SPAG9: variants seen among roughly 807,000 people sequenced by gnomAD.
SPAG9 encodes the protein sperm associated antigen 9, also known as C-Jun-amino-terminal kinase-interacting protein 4.
Under a neutral mutation model 166.5 loss-of-function variants are expected in SPAG9, and 35 were observed. The ratio of observed to expected loss-of-function variants is 0.21; its 90% CI spans 0.16 to 0.28. The LOEUF is 0.28. Among genes scored for constraint, SPAG9 ranks in the 10% least tolerant of loss-of-function variants. SPAG9 has a pLI of 1.00. For synonymous variants in SPAG9, 534 were observed against 565.5 expected (o/e 0.94, Z 0.79); for missense variants, 1,235 against 1,603.3 (o/e 0.77, Z 3.92).
At chr17:50,986,772 CACATTCTAGCCT>C (rs1436947404) in intron 22 of SPAG9, among the ~76,000 whole-genome samples, 1 of 152,250 alleles carries the variant, frequency 6.6e-6, no homozygotes, top group African/African-American at 2.4e-5. Flanking sequence ...TTTTCCTGCC[CACATTCTAGCCT>C]ACATAAATTA....
intron 1 of SPAG9, among the ~76,000 whole-genome samples, chr17:51,100,361 T>C (rs2048775219): frequency 6.6e-6 from 1 of 152,098 alleles, no homozygotes; most frequent in Non-Finnish European, 1.5e-5. Context: ...TCCCAGCACT[T>C]TGGGAGGCCA....
intron 9 of SPAG9, among the ~76,000 whole-genome samples, chr17:51,010,582 A>AATAT (rs994068022): frequency 2.3e-4 from 30 of 130,586 alleles, no homozygotes; most frequent in East Asian, 6.3e-4. Context: ...AAAAAAAAAA[A>AATAT]ATATATATAT....
At chr17:51,109,813 G>A (rs865844518) in intron 1 of SPAG9, among the ~76,000 whole-genome samples, 4 of 151,906 alleles carry the variant, frequency 2.6e-5, no homozygotes, top group African/African-American at 9.7e-5. Context: ...CTAGGCTGGT[G>A]CGATCCTCCT....
intron 1 of SPAG9, among the ~76,000 whole-genome samples, chr17:51,084,629 G>A (rs1006630892): frequency 3.3e-5 from 5 of 152,062 alleles, no homozygotes; most frequent in East Asian, 1.9e-4. Context: ...GGATGGTCTC[G>A]AACTCCTGAC....
chr17:50,986,922 C>A (rs1219548158), intron 22 of SPAG9, among the ~76,000 whole-genome samples, 190 bp downstream of exon 22: 2 of 152,138 alleles, frequency 1.3e-5, no homozygotes, highest in African/African-American at 4.8e-5. Context: ...AAACATATGG[C>A]TTACTATTCA....
chr17:50,968,693 T>A (rs755125668), intron 29 of SPAG9, among the ~76,000 whole-genome samples: 2 of 151,956 alleles, frequency 1.3e-5, no homozygotes, highest in Non-Finnish European at 2.9e-5. Context: ...ATTGTGCCAC[T>A]GCACTCCAGC....
chr17:51,092,152 A>G (rs2048483809), intron 1 of SPAG9, among the ~76,000 whole-genome samples: 1 of 152,072 alleles, frequency 6.6e-6, no homozygotes, highest in African/African-American at 2.4e-5. Context: ...GTCCATCAAG[A>G]TATTATATTA....
At chr17:51,028,935 A>G (rs2046289551) in intron 6 of SPAG9, among the ~76,000 whole-genome samples, 1 of 152,124 alleles carries the variant, frequency 6.6e-6, no homozygotes, top group Non-Finnish European at 1.5e-5. Flanking sequence ...ATCAAATCCT[A>G]TTGTCTGACA....
chr17:50,987,108 CTA>C lies in SPAG9; in HGVS notation c.2939+2_2939+3del. The C allele has an allele frequency of 6.2e-7, 1 of 1,604,254 alleles. No individual in the cohort carries two copies. The highest frequency in any genetic ancestry group is 8.5e-7 in the Non-Finnish European group (1 of 1,177,078). ...ATTCTAATGTTAAAAGCATTGACAC[CTA>C]CCAGCCATTTTGAGCTCCAAGCCAC... On this transcript the variant is annotated splice_donor_variant and splice_donor_region_variant and intron_variant, in intron 22 of 29. Coordinates refer to ENST00000262013, the MANE Select transcript of SPAG9 (RefSeq NM_001130528.3). LOFTEE classifies it high-confidence loss of function.
intron 21 of SPAG9, chr17:50,989,410 A>G (rs997423560): frequency 6.1e-6 from 3 of 494,996 alleles, no homozygotes; most frequent in African/African-American, 5.8e-5. Context: ...ATTTCTCAGA[A>G]CATATCCCCA....
At position 50,990,791 on chromosome 17, in the gene SPAG9, G is replaced by A. The variant is rs1177969981; in HGVS notation, c.2399-123C>T. 5.9e-6 allele frequency: 4 copies of A among 677,930 alleles called. No homozygotes were observed. In the Admixed American group the frequency reaches 8.4e-5, roughly 14 times the overall value. 42.0% of individuals were successfully genotyped at this position (677,930 alleles called of 1,614,324 possible). Reference sequence around the variant, plus strand: ...TGAGATGTACAGGTAGTTGAATACAGGTAGCATTAAATTTACATAAACAAA... The same window carrying A: ...TGAGATGTACAGGTAGTTGAATACAAGTAGCATTAAATTTACATAAACAAA... On this transcript the variant is annotated intron_variant, in intron 19 of 29. Coordinates refer to ENST00000262013, the MANE Select transcript of SPAG9 (RefSeq NM_001130528.3).
chr17:51,076,750 CAG>C (rs752613184), intron 2 of SPAG9, among the ~76,000 whole-genome samples: 18 of 151,016 alleles, frequency 1.2e-4, no homozygotes, highest in Non-Finnish European at 1.9e-4. Flanking sequence ...AAAAAAAAGA[CAG>C]AAAGAAAACT....
intron 1 of SPAG9, among the ~76,000 whole-genome samples, chr17:51,117,530 T>C (rs1032900205): frequency 1.3e-5 from 2 of 151,240 alleles, no homozygotes; most frequent in Admixed American, 6.6e-5. Flanking sequence ...GCTAAAATGG[T>C]GAAACCCCGT....
At chr17:51,016,731 C>A (rs1385250141) in intron 8 of SPAG9, among the ~76,000 whole-genome samples, 1 of 152,024 alleles carries the variant, frequency 6.6e-6, no homozygotes, top group African/African-American at 2.4e-5. Context: ...ATGGTGAAAC[C>A]CCGTCTCTAC....
chr17:50,988,594 C>T (rs1284281220), intron 21 of SPAG9, among the ~76,000 whole-genome samples: 1 of 152,130 alleles, frequency 6.6e-6, no homozygotes, highest in African/African-American at 2.4e-5. Flanking sequence ...GTTCTGTTTC[C>T]CAGGCGGCAG....
At chr17:50,970,568 C>A in intron 29 of SPAG9, 139 bp downstream of exon 29, 3 of 628,984 alleles carry the variant, frequency 4.8e-6, no homozygotes, top group South Asian at 4.2e-5. Context: ...AAACAAAAAC[C>A]CACAAAATCC....
At chr17:51,065,144 C>T (rs916537724) in intron 2 of SPAG9, among the ~76,000 whole-genome samples, 15 of 152,154 alleles carry the variant, frequency 9.9e-5, no homozygotes, top group South Asian at 8.3e-4. Flanking sequence ...TATATAAATA[C>T]ATAAAATAAA....
chr17:51,041,751 C>T, intron 4 of SPAG9, 100 bp from the exon 5 acceptor site: 1 of 1,090,908 alleles, frequency 9.2e-7, no homozygotes, highest in South Asian at 1.5e-5. Flanking sequence ...GTTTTACAAC[C>T]ATCACTCAAA....
chr17:51,120,766 C>G lies in SPAG9; in HGVS notation c.-110G>C, dbSNP rs2049456334. On this transcript the variant is annotated 5_prime_UTR_variant, in exon 1 of 30. Coordinates refer to ENST00000262013, the MANE Select transcript of SPAG9 (RefSeq NM_001130528.3). The surrounding 1 kb of genome is among the most constrained non-coding windows in gnomAD (Gnocchi z 4.7). ...TGGGACGGGTACTAGGGCTGGAGCC[C>G]GGGCCGGGGCTGGGGCTGGGCCCGG... 2.1e-6 allele frequency: 2 copies of G among 954,432 alleles called. No homozygotes were observed. The highest frequency in any genetic ancestry group is 2.9e-6 in the Non-Finnish European group (2 of 684,698). 59.1% of individuals were successfully genotyped at this position (954,432 alleles called of 1,614,324 possible). A position where few individuals can be genotyped will look rare whatever the true frequency, so the allele number is the denominator to read the frequency against.
Sources: allele counts gnomAD v4.1 joint callset (sites outside exome capture counted in the v4.1 genomes callset), GRCh38; gene constraint gnomAD v4.1.1; non-coding constraint Gnocchi (gnomAD v3.1); transcripts MANE v1.5; gene names NCBI Gene and HGNC (gene_info 2026-07-23, HGNC 2026-07-21).